Variants in DPP10 observed in about 807,000 individuals in gnomAD.
DPP10 encodes the protein inactive dipeptidyl peptidase 10.
Under a neutral mutation model 120.9 loss-of-function variants are expected in DPP10, and 33 were observed. The observed-to-expected ratio is 0.27, with a 90% CI of 0.21 to 0.37. The LOEUF (loss-of-function observed/expected upper bound fraction) is 0.37, where lower values mean the gene tolerates loss of function less well. Among genes scored for constraint, DPP10 ranks in the 10% least tolerant of loss-of-function variants. The pLI is 1.00. For missense variants in DPP10, 816 were observed against 942.8 expected (o/e 0.87, Z 1.76); for synonymous variants, 337 against 326.1 (o/e 1.03, Z -0.36).
chr2:114,456,381 T>G (rs1200375606), intron 1 of DPP10, among the ~76,000 whole-genome samples: 1 of 152,224 alleles, frequency 6.6e-6, no homozygotes, highest in African/African-American at 2.4e-5. Context: ...GACTAGTGAC[T>G]TCTTAACATT....
intron 1 of DPP10, among the ~76,000 whole-genome samples, chr2:114,993,922 C>T (rs1700917631): frequency 6.6e-6 from 1 of 152,096 alleles, no homozygotes; most frequent in South Asian, 2.1e-4. Flanking sequence ...CTATTTCCTC[C>T]TTGAATAGCC....
intron 1 of DPP10, among the ~76,000 whole-genome samples, chr2:114,447,128 C>G (rs1677990726): frequency 6.7e-6 from 1 of 150,370 alleles, no homozygotes; most frequent in Non-Finnish European, 1.5e-5. Flanking sequence ...TCCCGAGTAG[C>G]TGGGACTACA....
At chr2:115,282,527 T>C (rs918545220) in intron 1 of DPP10, among the ~76,000 whole-genome samples, 1 of 152,118 alleles carries the variant, frequency 6.6e-6, no homozygotes, top group Non-Finnish European at 1.5e-5. Context: ...TATAATGTCT[T>C]ACCTATAGAA....
rs1687107283 is a variant in DPP10 at position 114,831,401 on chromosome 2, T to C, written c.60+388563T>C. On this transcript the variant is annotated intron_variant, in intron 1 of 25. Transcript: ENST00000410059. ...AGAACCCCCAAACTGAAAATTAGCC[T>C]TGGGTGTTTCATAACTTAGGACCAA... Among the ~76,000 whole-genome samples, 3 of 152,148 alleles carry C rather than the reference T, an allele frequency of 2.0e-5. No homozygotes were observed. The South Asian group carries it at 6.2e-4, about 32-fold the overall frequency.
At chr2:115,755,931 A>AGC (rs1553500190) in intron 11 of DPP10, among the ~76,000 whole-genome samples, 15 of 118,532 alleles carry the variant, frequency 1.3e-4, no homozygotes, top group Non-Finnish European at 2.9e-4. Flanking sequence ...TTTTTTAAAA[A>AGC]GTGTGTGTGT....
intron 1 of DPP10, among the ~76,000 whole-genome samples, chr2:115,305,115 G>A (rs912996883): frequency 6.6e-6 from 1 of 151,934 alleles, no homozygotes; most frequent in Non-Finnish European, 1.5e-5. Context: ...CACCATCTAT[G>A]GATCATTTAA....
chr2:115,321,708 A>G (rs1472735159), intron 2 of DPP10, among the ~76,000 whole-genome samples: 1 of 151,228 alleles, frequency 6.6e-6, no homozygotes, highest in East Asian at 2.0e-4. Context: ...GGCTTTGCTC[A>G]TTTTCCTTCA....
intron 1 of DPP10, among the ~76,000 whole-genome samples, chr2:115,297,752 G>A (rs953998484): frequency 2.0e-5 from 3 of 152,038 alleles, no homozygotes; most frequent in African/African-American, 7.2e-5. Context: ...CAGAACTTTA[G>A]TTCTAGGCAG....
intron 1 of DPP10, among the ~76,000 whole-genome samples, chr2:114,873,873 G>A (rs1056031892): frequency 2.6e-5 from 4 of 152,074 alleles, no homozygotes; most frequent in East Asian, 3.9e-4. Context: ...TGAGTTATGA[G>A]AGCCACTTCA....
intron 1 of DPP10, chr2:114,461,500 C>T: frequency 1.2e-6 from 1 of 846,432 alleles, no homozygotes; most frequent in South Asian, 5.4e-5. Flanking sequence ...CTCCCTCAAC[C>T]AATTAGCCTC....
chr2:115,470,047 C>A (rs1161139748), intron 3 of DPP10, among the ~76,000 whole-genome samples: 1 of 152,096 alleles, frequency 6.6e-6, no homozygotes, highest in African/African-American at 2.4e-5. Flanking sequence ...TAAATAGAAT[C>A]TCTGAACCCT....
chr2:115,167,296 T>C (rs1466046270), intron 1 of DPP10, among the ~76,000 whole-genome samples: 2 of 150,382 alleles, frequency 1.3e-5, no homozygotes, highest in African/African-American at 4.9e-5. Context: ...GTGCAGTGGC[T>C]CCCACTTGTA....
intron 1 of DPP10, among the ~76,000 whole-genome samples, chr2:115,028,288 T>A (rs1703608862): frequency 6.6e-6 from 1 of 152,106 alleles, no homozygotes. Flanking sequence ...GTATGTTGCA[T>A]CTCCATTTCC....
chr2:115,635,261 G>A (rs1173062502), intron 5 of DPP10, among the ~76,000 whole-genome samples: 1 of 152,194 alleles, frequency 6.6e-6, no homozygotes, highest in African/African-American at 2.4e-5. Context: ...GTCTTAGGCA[G>A]TCTCCAGCCG....
At chr2:115,733,219 C>T (rs11691021) in intron 8 of DPP10, among the ~76,000 whole-genome samples, 28,636 of 152,058 alleles carry the variant, frequency 0.19, 3,333 homozygotes, top group Middle Eastern at 0.3. Context: ...CTATTTTCAC[C>T]TTCATGTTTG....
intron 1 of DPP10, among the ~76,000 whole-genome samples, chr2:114,904,694 A>G (rs974620680): frequency 1.3e-5 from 2 of 152,238 alleles, no homozygotes; most frequent in East Asian, 1.9e-4. Context: ...TGAAGGGAAC[A>G]AAGATAAGAT....
At chr2:115,820,865 A>C (rs148228831) in intron 21 of DPP10, among the ~76,000 whole-genome samples, 9 of 147,194 alleles carry the variant, frequency 6.1e-5, no homozygotes, top group African/African-American at 2.3e-4. Flanking sequence ...CCACTTGTTG[A>C]TTGATGGGCA....
At chr2:115,517,236 T>C (rs990666908) in intron 4 of DPP10, among the ~76,000 whole-genome samples, 1 of 152,180 alleles carries the variant, frequency 6.6e-6, no homozygotes, top group Non-Finnish European at 1.5e-5. Flanking sequence ...TTAATGGATA[T>C]TTCTGATAAA....
intron 1 of DPP10, among the ~76,000 whole-genome samples, chr2:114,842,836 A>AG (rs1688262684): frequency 6.6e-6 from 1 of 150,950 alleles, no homozygotes; most frequent in South Asian, 2.1e-4. Flanking sequence ...CTAGAAAGTA[A>AG]GGGACCTCAC....
Sources: gnomAD v4.1 joint callset for allele counts (sites outside exome capture counted in the v4.1 genomes callset) on GRCh38, gnomAD v4.1.1 for gene constraint, MANE v1.5 for transcripts, NCBI Gene and HGNC (gene_info 2026-07-23, HGNC 2026-07-21) for gene names.